Variants in GABRG3 observed in about 807,000 individuals in gnomAD.
The protein encoded by GABRG3 is gamma-aminobutyric acid type A receptor subunit gamma3.
GABRG3 carries 25 observed loss-of-function variants against 48.8 expected under a neutral mutation model. The observed-to-expected ratio is 0.51, with a 90% CI of 0.37 to 0.72. The LOEUF (loss-of-function observed/expected upper bound fraction) is 0.72. GABRG3 is among the 30% of genes least tolerant of loss of function. The probability of loss-of-function intolerance (pLI) is 0.00; values close to 1 mark genes in which losing one functional copy is unlikely to be tolerated. For synonymous variants in GABRG3, 227 were observed against 217.6 expected (o/e 1.04, Z -0.38); for missense variants, 394 against 577.9 (o/e 0.68, Z 3.26).
intron 2 of GABRG3, among the ~76,000 whole-genome samples, chr15:27,019,322 G>A (rs911153447): frequency 4.0e-5 from 6 of 151,642 alleles, no homozygotes; most frequent in Admixed American, 1.3e-4. Context: ...CCCCCGCCTT[G>A]GCCTCCCAAA....
rs976550026 is a variant in GABRG3, at chr15:27,117,771, A to G, written c.270+90950A>G. Among the ~76,000 whole-genome samples the G allele has an allele frequency of 3.0e-4, 45 of 152,316 alleles. 1 individual carries two copies. The highest frequency in any genetic ancestry group is 1.0e-3 in the African/African-American group (42 of 41,566). ...TAATTTAAATAATAATGACAACAATAATAACCAATAATGCTGATAAGTGCT... is the reference window on the plus strand; with the variant it reads ...TAATTTAAATAATAATGACAACAATGATAACCAATAATGCTGATAAGTGCT... On this transcript the variant is annotated intron_variant, in intron 3 of 9. Coordinates refer to ENST00000615808, the MANE Select transcript of GABRG3 (RefSeq NM_033223.5).
At chr15:27,206,822 T>G (rs1888868834) in intron 3 of GABRG3, among the ~76,000 whole-genome samples, 1 of 152,194 alleles carries the variant, frequency 6.6e-6, no homozygotes, top group African/African-American at 2.4e-5. Context: ...CTGTGTCCTT[T>G]TGATCATTGT....
intron 3 of GABRG3, among the ~76,000 whole-genome samples, chr15:27,096,802 A>G (rs1033209975): frequency 3.3e-5 from 5 of 150,722 alleles, no homozygotes; most frequent in Admixed American, 6.6e-5. Flanking sequence ...AGCACTTGTG[A>G]ACCACACAAA....
chr15:27,035,251 A>T lies in GABRG3; in HGVS notation c.270+8430A>T, dbSNP rs1896156050. Among the ~76,000 whole-genome samples, 4 of 152,306 alleles carry T rather than the reference A, an allele frequency of 2.6e-5. No individual in the cohort carries two copies. The South Asian group carries it at 8.3e-4, about 32-fold the overall frequency. ...CTTAGAACTTGTCACCATTTTATAC[A>T]AAATGTCATTAGAGATGCCACCTGG... On this transcript the variant is annotated intron_variant, in intron 3 of 9. Coordinates refer to ENST00000615808, the MANE Select transcript of GABRG3 (RefSeq NM_033223.5).
At chr15:27,270,866 A>G (rs1174975220) in intron 3 of GABRG3, among the ~76,000 whole-genome samples, 1 of 152,224 alleles carries the variant, frequency 6.6e-6, no homozygotes, top group Non-Finnish European at 1.5e-5. Flanking sequence ...CATGTCAATC[A>G]TAAATGAAAA....
chr15:27,166,541 G>A (rs1043595012), intron 3 of GABRG3, among the ~76,000 whole-genome samples: 1 of 152,062 alleles, frequency 6.6e-6, no homozygotes, highest in Non-Finnish European at 1.5e-5. Context: ...CTGCGCCCCT[G>A]GCTTGGCCCA....
chr15:27,171,116 A>G (rs946781301), intron 3 of GABRG3, among the ~76,000 whole-genome samples: 1 of 152,300 alleles, frequency 6.6e-6, no homozygotes, highest in Non-Finnish European at 1.5e-5. Context: ...CATGATGCTC[A>G]GGTTCACTGC....
chr15:27,520,361 T>C (rs1221856883), intron 7 of GABRG3, among the ~76,000 whole-genome samples: 2 of 152,082 alleles, frequency 1.3e-5, no homozygotes, highest in Non-Finnish European at 2.9e-5. Flanking sequence ...AAATCCATTG[T>C]GATAGTATCC....
chr15:27,373,854 C>G (rs980249236), intron 5 of GABRG3, among the ~76,000 whole-genome samples: 41 of 152,048 alleles, frequency 2.7e-4, no homozygotes, highest in Non-Finnish European at 4.6e-4. Flanking sequence ...TTCTCCTGAT[C>G]AGGTCAGCTG....
chr15:27,106,962 T>G (rs1897460718), intron 3 of GABRG3, among the ~76,000 whole-genome samples: 1 of 152,044 alleles, frequency 6.6e-6, no homozygotes, highest in African/African-American at 2.4e-5. Flanking sequence ...CTAGATAGCT[T>G]CACAAAACAA....
intron 3 of GABRG3, among the ~76,000 whole-genome samples, chr15:27,089,138 A>T (rs1223685092): frequency 3.3e-5 from 5 of 152,200 alleles, no homozygotes; most frequent in African/African-American, 1.2e-4. Context: ...GGACCGTGGA[A>T]GGACCAGACT....
chr15:27,265,882 GTT>G (rs57522857), intron 3 of GABRG3, among the ~76,000 whole-genome samples: 2 of 127,590 alleles, frequency 1.6e-5, no homozygotes, highest in Non-Finnish European at 1.5e-5. Context: ...TTTTCTCCTG[GTT>G]TTTTTTTTTT....
chr15:27,239,153 G>A (rs1469729427), intron 3 of GABRG3, among the ~76,000 whole-genome samples: 1 of 152,200 alleles, frequency 6.6e-6, no homozygotes, highest in African/African-American at 2.4e-5. Flanking sequence ...ATCACTTTTG[G>A]ATACGAAGAT....
intron 5 of GABRG3, among the ~76,000 whole-genome samples, chr15:27,459,315 C>T (rs191479554): frequency 7.0e-4 from 106 of 152,304 alleles, no homozygotes; most frequent in African/African-American, 2.4e-3. Flanking sequence ...TGGACAGCTG[C>T]ATGCCTCAAG....
At chr15:27,120,952 C>T (rs1897720743) in intron 3 of GABRG3, among the ~76,000 whole-genome samples, 2 of 152,140 alleles carry the variant, frequency 1.3e-5, no homozygotes, top group Admixed American at 6.5e-5. Flanking sequence ...GTATGCCAAA[C>T]TTAGTTGACC....
At chr15:27,206,698 A>C (rs1220103670) in intron 3 of GABRG3, among the ~76,000 whole-genome samples, 1 of 152,154 alleles carries the variant, frequency 6.6e-6, no homozygotes, top group Non-Finnish European at 1.5e-5. Flanking sequence ...TGATTTTATT[A>C]GTCTCTACAA....
chr15:27,147,077 A>C (rs1319024053), intron 3 of GABRG3, among the ~76,000 whole-genome samples: 1 of 152,066 alleles, frequency 6.6e-6, no homozygotes, highest in Non-Finnish European at 1.5e-5. Flanking sequence ...TAAGTTGTAA[A>C]TGAAAGGACA....
intron 3 of GABRG3, among the ~76,000 whole-genome samples, chr15:27,086,750 T>C (rs573839397): frequency 1.3e-5 from 2 of 152,340 alleles, no homozygotes; most frequent in South Asian, 4.1e-4. Context: ...TTCTGTCAGA[T>C]TGAAAATGTT....
intron 3 of GABRG3, among the ~76,000 whole-genome samples, chr15:27,127,801 A>G (rs1264289630): frequency 3.9e-5 from 6 of 152,032 alleles, no homozygotes; most frequent in South Asian, 2.1e-4. Flanking sequence ...ACGTGTTTAC[A>G]ACAAAAATAG....
Sources: allele counts gnomAD v4.1 joint callset (sites outside exome capture counted in the v4.1 genomes callset), GRCh38; gene constraint gnomAD v4.1.1; transcripts MANE v1.5; gene names NCBI Gene and HGNC (gene_info 2026-07-23, HGNC 2026-07-21).